DNAH14: variants seen among roughly 807,000 people sequenced by gnomAD.
DNAH14 encodes dynein axonemal heavy chain 14.
In DNAH14, 478 loss-of-function variants were observed where a neutral mutation model predicts 520.9. The ratio of observed to expected loss-of-function variants is 0.92; its 90% CI spans 0.85 to 0.99. The LOEUF (loss-of-function observed/expected upper bound fraction) is 0.99. Ranked by LOEUF, DNAH14 falls within the 50% of genes least tolerant of loss-of-function variation. DNAH14 has a pLI of 0.00. For missense variants in DNAH14, 4,831 were observed against 5,234.5 expected, an observed-to-expected ratio of 0.92 and a Z score of 2.38; for synonymous variants, 1,581 against 1,757.2, an observed-to-expected ratio of 0.90 and a Z score of 2.51.
At chr1:224,982,797 C>G (rs2062367008) in intron 8 of DNAH14, among the ~76,000 whole-genome samples, 1 of 152,120 alleles carries the variant, frequency 6.6e-6, no homozygotes, top group Non-Finnish European at 1.5e-5. Context: ...CAGTTTTATT[C>G]CACTGTGGTC....
intron 12 of DNAH14, among the ~76,000 whole-genome samples, chr1:225,042,253 T>A (rs2067544792): frequency 6.6e-6 from 1 of 152,164 alleles, no homozygotes; most frequent in Admixed American, 6.5e-5. Context: ...GGATTATTTA[T>A]GATGTAGGAA....
chr1:225,032,230 C>T (rs1369447893), intron 11 of DNAH14, among the ~76,000 whole-genome samples: 3 of 152,048 alleles, frequency 2.0e-5, no homozygotes, highest in African/African-American at 4.8e-5. Flanking sequence ...CTCCCTCCTT[C>T]TACCTTCCTG....
intron 65 of DNAH14, among the ~76,000 whole-genome samples, 199 bp downstream of exon 65, chr1:225,331,776 A>G (rs2094803077): frequency 6.6e-6 from 1 of 152,210 alleles, no homozygotes; most frequent in African/African-American, 2.4e-5. Context: ...GTAACAGACT[A>G]CAAGTATCTG....
chr1:224,939,322 A>G (rs200839043), intron 1 of DNAH14, among the ~76,000 whole-genome samples: 1 of 152,154 alleles, frequency 6.6e-6, no homozygotes, highest in East Asian at 1.9e-4. Context: ...ATTGTACTCT[A>G]ATCCTTTTCC....
At position 225,346,036 on chromosome 1, in the gene DNAH14, C is replaced by A; in HGVS notation, c.10753C>A (p.Arg3585Ser). The A allele has an allele frequency of 6.4e-7, 1 of 1,551,524 alleles. No homozygotes were observed. The highest frequency in any genetic ancestry group is 1.2e-5 in the South Asian group (1 of 84,044). Reference protein sequence around the residue: ...SKMTSNEISKRIEATKKAESE... With the variant: ...SKMTSNEISKSIEATKKAESE... Reference sequence around the variant, plus strand: ...AATGACATCAAACGAAATTTCAAAGCGCATCGAAGCAACAAAAAAAGCTGA... The same window carrying A: ...AATGACATCAAACGAAATTTCAAAGAGCATCGAAGCAACAAAAAAAGCTGA... The change falls in exon 70 of 86, where the codon CGC (arginine) becomes AGC (serine). Residue 3585 changes from arginine (R) to serine (S), a missense_variant. Transcript: ENST00000682510.
intron 41 of DNAH14, among the ~76,000 whole-genome samples, chr1:225,230,545 C>G (rs1022178299): frequency 4.0e-5 from 6 of 151,730 alleles, no homozygotes; most frequent in Non-Finnish European, 5.9e-5. Context: ...AATAATTACT[C>G]TTTGTGTTTC....
intron 60 of DNAH14, among the ~76,000 whole-genome samples, chr1:225,310,082 A>G (rs1188657918): frequency 6.6e-6 from 1 of 150,964 alleles, no homozygotes; most frequent in Non-Finnish European, 1.5e-5. Context: ...TAAATAAATA[A>G]GAGTACGGCT....
At chr1:225,012,322 G>A (rs1381538462) in intron 10 of DNAH14, among the ~76,000 whole-genome samples, 1 of 152,160 alleles carries the variant, frequency 6.6e-6, no homozygotes, top group Non-Finnish European at 1.5e-5. Context: ...GAGATCCACT[G>A]TTAGTCTGAT....
At chr1:225,331,139 T>C (rs1005048736) in intron 64 of DNAH14, among the ~76,000 whole-genome samples, 1 of 152,024 alleles carries the variant, frequency 6.6e-6, no homozygotes, top group Non-Finnish European at 1.5e-5. Context: ...CTAAATAAGA[T>C]ATAAAATTTT....
rs35025436 is a variant in DNAH14 at position 225,251,177 on chromosome 1, C to CTT, written c.6749-1112_6749-1111dup. ...TAAATATAAATTGTAAAACTATAAA[C>CTT]TTTTTTTTTTTTTGAGATGGAGTCT... On this transcript the variant is annotated intron_variant, in intron 43 of 85. Coordinates refer to ENST00000682510, the MANE Select transcript of DNAH14 (RefSeq NM_001367479.1). 1.4e-3 allele frequency among the ~76,000 whole-genome samples: 207 copies of CTT among 146,028 alleles called. 1 individual carries two copies. Among genetic ancestry groups the CTT allele is most frequent in the African/African-American group, 4.0e-3 (161 of 39,852 alleles).
At chr1:224,944,254 C>T (rs1167253276) in intron 1 of DNAH14, among the ~76,000 whole-genome samples, 2 of 152,146 alleles carry the variant, frequency 1.3e-5, no homozygotes, top group African/African-American at 4.8e-5. Context: ...ATGTAATGGC[C>T]TTCTTTGTCT....
intron 36 of DNAH14, among the ~76,000 whole-genome samples, chr1:225,169,807 C>T (rs2082413687): frequency 6.6e-6 from 1 of 152,086 alleles, no homozygotes; most frequent in South Asian, 2.1e-4. Flanking sequence ...AACTCCAAGA[C>T]ACATAATTGT....
chr1:225,222,111 T>C (rs669326), intron 41 of DNAH14, among the ~76,000 whole-genome samples: 23,456 of 152,132 alleles, frequency 0.15, 2,121 homozygotes, highest in East Asian at 0.36. Context: ...CAGCCAGAGT[T>C]TGCAGGACAG....
intron 34 of DNAH14, among the ~76,000 whole-genome samples, chr1:225,157,305 T>C (rs1365295573): frequency 6.6e-6 from 1 of 152,138 alleles, no homozygotes; most frequent in Non-Finnish European, 1.5e-5. Context: ...CTTAACACAA[T>C]ATTGGGCCAC....
chr1:225,086,291 C>G (rs985707022), intron 21 of DNAH14, among the ~76,000 whole-genome samples: 1 of 106,588 alleles, frequency 9.4e-6, no homozygotes, highest in African/African-American at 2.7e-5. Flanking sequence ...CGCCACGACG[C>G]CCGGCTAATT....
Position 225,337,491 on chromosome 1 carries a change from C to T in DNAH14, c.10306C>T (p.Leu3436=). ...NAMKTGGSVL[L]QNLLETLAPG... is the part of the protein sequence containing the mutation. Reference sequence around the variant, plus strand: ...TATGAAGACAGGAGGGAGTGTCCTCCTGCAGGTAAGTGGGCAGTATGGCCT... The same window carrying T: ...TATGAAGACAGGAGGGAGTGTCCTCTTGCAGGTAAGTGGGCAGTATGGCCT... The change falls in exon 67 of 86, where the codon CTG becomes TTG. Residue 3436 remains leucine (L), a synonymous_variant. Transcript: ENST00000682510. The T allele has an allele frequency of 6.4e-7, 1 of 1,551,622 alleles. No individual in the cohort carries two copies.
At chr1:225,253,183 T>G (rs2092617056) in intron 44 of DNAH14, among the ~76,000 whole-genome samples, 1 of 152,210 alleles carries the variant, frequency 6.6e-6, no homozygotes, top group South Asian at 2.1e-4. Context: ...TTTGTTACAA[T>G]AAATATTAGC....
At chr1:225,088,821 G>T (rs544304509) in intron 21 of DNAH14, among the ~76,000 whole-genome samples, 1 of 152,222 alleles carries the variant, frequency 6.6e-6, no homozygotes, top group African/African-American at 2.4e-5. Context: ...ACAACTTTAA[G>T]TTAATTAAGT....
chr1:225,377,507 C>T, intron 79 of DNAH14, 71 bp downstream of exon 79: 1 of 1,439,662 alleles, frequency 6.9e-7, no homozygotes, highest in Non-Finnish European at 9.3e-7. Flanking sequence ...TGCCTGTAAT[C>T]CCAGCACCTT....
Sources: gnomAD v4.1 joint callset for allele counts (sites outside exome capture counted in the v4.1 genomes callset) on GRCh38, gnomAD v4.1.1 for gene constraint, MANE v1.5 for transcripts, NCBI Gene and HGNC (gene_info 2026-07-23, HGNC 2026-07-21) for gene names.